The following GALNTL5 variants were observed in gnomAD, a reference collection of about 807,000 sequenced individuals.
GALNTL5 encodes inactive polypeptide N-acetylgalactosaminyltransferase-like protein 5.
GALNTL5 carries 44 observed loss-of-function variants against 51.0 expected under a neutral mutation model. That is an observed-to-expected ratio of 0.86 (90% CI 0.68 to 1.11). The LOEUF (loss-of-function observed/expected upper bound fraction) is 1.11, where lower values mean the gene tolerates loss of function less well. GALNTL5 is among the 50% of genes least tolerant of loss of function. The probability of loss-of-function intolerance (pLI) is 0.00; values close to 1 mark genes in which losing one functional copy is unlikely to be tolerated. For synonymous variants in GALNTL5, 192 were observed against 182.8 expected (o/e 1.05, Z -0.41); for missense variants, 528 against 531.8 (o/e 0.99, Z 0.07).
At chr7:152,014,894 G>C in intron 8 of GALNTL5, 101 bp downstream of exon 8, 1 of 1,131,068 alleles carries the variant, frequency 8.8e-7, no homozygotes, top group Non-Finnish European at 1.2e-6. Flanking sequence ...CGTTTGTTCT[G>C]GAGGTCATTA....
At chr7:151,962,076 C>T (rs112840586) in intron 1 of GALNTL5, among the ~76,000 whole-genome samples, 1,578 of 148,072 alleles carry the variant, frequency 0.011, 40 homozygotes, top group African/African-American at 0.038. Flanking sequence ...GATCTCGGCT[C>T]ACTGCAACCT....
In GALNTL5 at chr7:151,964,915, A is replaced by T. The variant is rs137971858; in HGVS notation, c.-39-2293A>T. ...CAGACGTAGCAACCTGGCTGCCGGG[A>T]TCCTGTGTGGGAGGAAGGGAAGAAG... On this transcript the variant is annotated intron_variant, in intron 1 of 8. Coordinates refer to ENST00000392800, the MANE Select transcript of GALNTL5 (RefSeq NM_145292.4). 3.5e-4 allele frequency among the ~76,000 whole-genome samples: 53 copies of T among 152,248 alleles called. No individual in the cohort carries two copies. The East Asian group carries it at 8.1e-3, about 23-fold the overall frequency.
chr7:151,998,779 A>G (rs2081532982), intron 5 of GALNTL5, among the ~76,000 whole-genome samples: 1 of 125,816 alleles, frequency 7.9e-6, no homozygotes, highest in Non-Finnish European at 1.8e-5. Context: ...CTAAAAAAAA[A>G]AAAACAAAAA....
chr7:151,960,179 G>A (rs921962992), intron 1 of GALNTL5: 1 of 152,198 alleles, frequency 6.6e-6, no homozygotes, highest in Admixed American at 6.5e-5. Context: ...TTTTTCAGAT[G>A]CAACCATGGC....
At chr7:151,960,962 C>G (rs952173166) in intron 1 of GALNTL5, among the ~76,000 whole-genome samples, 2 of 152,322 alleles carry the variant, frequency 1.3e-5, no homozygotes, top group East Asian at 3.9e-4. Flanking sequence ...TTCTGTCAAG[C>G]AGCGTGGGTT....
chr7:151,967,419 A>G lies in GALNTL5; in HGVS notation c.173A>G (p.Tyr58Cys), dbSNP rs1563002355. 1 of 1,614,114 alleles carries G rather than the reference A, an allele frequency of 6.2e-7. No homozygotes were observed. Among genetic ancestry groups the G allele is most frequent in the Non-Finnish European group, 8.5e-7 (1 of 1,179,976 alleles). Residue 58 changes from tyrosine to cysteine, a missense_variant, in exon 2 of 9, where the codon TAT becomes TGT. By Grantham distance (194) the Tyr-to-Cys change is radical (BLOSUM62 -2). Coordinates refer to ENST00000392800, the MANE Select transcript of GALNTL5 (RefSeq NM_145292.4). ...PGKKVHQQII[Y>C]GSEQIPKPHV... The stretch of plus-strand genomic sequence containing the variant: ...AAAAAAGTGCATCAGCAAATTATCT[A>G]TGGCTCAGAGCAAATACCAAAACCT...
chr7:151,984,410 C>T (rs938875455), intron 4 of GALNTL5, among the ~76,000 whole-genome samples: 3 of 152,080 alleles, frequency 2.0e-5, no homozygotes, highest in African/African-American at 7.2e-5. Context: ...ACTATGAGCT[C>T]AGAAACAAAA....
chr7:152,016,484 T>C (rs929227253), intron 8 of GALNTL5, among the ~76,000 whole-genome samples: 2 of 152,110 alleles, frequency 1.3e-5, no homozygotes, highest in African/African-American at 2.4e-5. Flanking sequence ...TATGGGAGTG[T>C]TGACTTTTAC....
intron 5 of GALNTL5, among the ~76,000 whole-genome samples, chr7:151,990,546 A>T (rs1024709268): frequency 1.3e-4 from 15 of 118,884 alleles, no homozygotes; most frequent in Non-Finnish European, 1.7e-4. Flanking sequence ...GCGCCACTGC[A>T]CTCCAGCCTG....
chr7:151,988,919 T>A (rs2081394214), intron 5 of GALNTL5, among the ~76,000 whole-genome samples: 1 of 151,690 alleles, frequency 6.6e-6, no homozygotes, highest in Non-Finnish European at 1.5e-5. Flanking sequence ...AGGCTGCTCT[T>A]TAACTCCTGG....
chr7:151,984,782 A>G (rs2151948022), intron 4 of GALNTL5, among the ~76,000 whole-genome samples: 1 of 152,290 alleles, frequency 6.6e-6, no homozygotes, highest in Middle Eastern at 3.4e-3. Context: ...AGCAGGGGAC[A>G]GGGTGGGATA....
At chr7:152,015,224 T>C (rs1368089001) in intron 8 of GALNTL5, among the ~76,000 whole-genome samples, 2 of 152,138 alleles carry the variant, frequency 1.3e-5, no homozygotes, top group Non-Finnish European at 2.9e-5. Context: ...AACTCAAGTC[T>C]CTCAGAAGTA....
intron 2 of GALNTL5, among the ~76,000 whole-genome samples, 193 bp downstream of exon 2, chr7:151,967,686 A>G (rs2081077277): frequency 6.6e-6 from 1 of 152,166 alleles, no homozygotes; most frequent in Admixed American, 6.5e-5. Flanking sequence ...ACTTAAATTT[A>G]TCATTTTAAA....
chr7:151,967,545 C>T (rs752287752), intron 2 of GALNTL5, 52 bp downstream of exon 2: 2 of 1,512,054 alleles, frequency 1.3e-6, no homozygotes, highest in African/African-American at 2.8e-5. Flanking sequence ...AAATGTACAA[C>T]AATATTTAAT....
intron 5 of GALNTL5, among the ~76,000 whole-genome samples, chr7:152,000,052 A>G (rs751291360): frequency 6.6e-5 from 10 of 152,246 alleles, no homozygotes; most frequent in Non-Finnish European, 1.0e-4. Flanking sequence ...TCAGACATCA[A>G]TACAATAAAA....
intron 7 of GALNTL5, among the ~76,000 whole-genome samples, chr7:152,008,341 A>G (rs2081679634): frequency 6.6e-6 from 1 of 151,972 alleles, no homozygotes; most frequent in South Asian, 2.1e-4. Context: ...TCGGCCTCCC[A>G]AAGCACTGAG....
chr7:151,998,590 G>A (rs915516900), intron 5 of GALNTL5, among the ~76,000 whole-genome samples: 4 of 151,984 alleles, frequency 2.6e-5, no homozygotes, highest in Non-Finnish European at 5.9e-5. Flanking sequence ...TGGCCAACAC[G>A]GTGAAACCCC....
chr7:151,964,389 G>T (rs796431572), intron 1 of GALNTL5, among the ~76,000 whole-genome samples: 2 of 152,112 alleles, frequency 1.3e-5, no homozygotes, highest in Non-Finnish European at 2.9e-5. Context: ...GAATTCCCAC[G>T]TGCTGTGTGA....
intron 5 of GALNTL5, among the ~76,000 whole-genome samples, chr7:151,987,944 G>T (rs1269438405): frequency 6.6e-6 from 1 of 152,234 alleles, no homozygotes; most frequent in Non-Finnish European, 1.5e-5. Context: ...CTCACACTGT[G>T]CTTGGTCATT....
Sources: gnomAD v4.1 joint callset for allele counts (sites outside exome capture counted in the v4.1 genomes callset) on GRCh38, gnomAD v4.1.1 for gene constraint, MANE v1.5 for transcripts, NCBI Gene and HGNC (gene_info 2026-07-23, HGNC 2026-07-21) for gene names.